ZNF804A: variants seen among roughly 807,000 people sequenced by gnomAD.
ZNF804A encodes the protein zinc finger protein 804A.
Under a neutral mutation model 16.5 loss-of-function variants are expected in ZNF804A, and 2 were observed. The observed-to-expected ratio is 0.12, with a 90% CI of 0.05 to 0.38. ZNF804A has a LOEUF of 0.38. Ranked by LOEUF, ZNF804A falls within the 10% of genes least tolerant of loss-of-function variation. The probability of loss-of-function intolerance (pLI) is 0.99; values close to 1 mark genes in which losing one functional copy is unlikely to be tolerated. For missense variants in ZNF804A, 1,473 were observed against 1,390.7 expected, an observed-to-expected ratio of 1.06 and a Z score of -0.94; for synonymous variants, 534 against 489.6, an observed-to-expected ratio of 1.09 and a Z score of -1.20.
chr2:184,748,523 G>A (rs942820962), intron 1 of ZNF804A, among the ~76,000 whole-genome samples: 1 of 151,048 alleles, frequency 6.6e-6, no homozygotes, highest in Non-Finnish European at 1.5e-5. Context: ...GATTCTAGAT[G>A]TTGGACTTTT....
intron 1 of ZNF804A, among the ~76,000 whole-genome samples, chr2:184,774,675 G>T (rs1694261339): frequency 6.6e-6 from 1 of 151,670 alleles, no homozygotes; most frequent in Non-Finnish European, 1.5e-5. Context: ...AGAAAAATTA[G>T]TTCTATTTTT....
chr2:184,912,905 T>C (rs1685385186), intron 2 of ZNF804A, among the ~76,000 whole-genome samples: 1 of 152,122 alleles, frequency 6.6e-6, no homozygotes, highest in Admixed American at 6.6e-5. Flanking sequence ...CTTGATTTTA[T>C]CTTTGATGCA....
intron 1 of ZNF804A, among the ~76,000 whole-genome samples, chr2:184,783,511 C>A (rs1694404609): frequency 6.6e-6 from 1 of 151,840 alleles, no homozygotes; most frequent in Non-Finnish European, 1.5e-5. Flanking sequence ...GAAGGTAGTT[C>A]TACAGAGGTA....
chr2:184,853,664 G>T (rs923504039), intron 1 of ZNF804A, among the ~76,000 whole-genome samples: 1 of 151,628 alleles, frequency 6.6e-6, no homozygotes, highest in Admixed American at 6.6e-5. Flanking sequence ...TACGGTTTTT[G>T]ACCTTCTTTC....
chr2:184,810,517 G>A (rs1694877801), intron 1 of ZNF804A, among the ~76,000 whole-genome samples: 1 of 125,712 alleles, frequency 8.0e-6, no homozygotes, highest in Non-Finnish European at 1.6e-5. Flanking sequence ...TTGAGACGGA[G>A]TCTCACTCTG....
chr2:184,675,734 A>T (rs573394144), intron 1 of ZNF804A, among the ~76,000 whole-genome samples: 1 of 151,894 alleles, frequency 6.6e-6, no homozygotes, highest in Admixed American at 6.6e-5. Context: ...ATAGCTAGTA[A>T]GTGAAAAACA....
At chr2:184,727,853 T>C (rs915846066) in intron 1 of ZNF804A, among the ~76,000 whole-genome samples, 1 of 151,734 alleles carries the variant, frequency 6.6e-6, no homozygotes, top group African/African-American at 2.4e-5. Flanking sequence ...AGATAGCTTG[T>C]TCTCAGAATT....
At chr2:184,802,289 G>A (rs1175013169) in intron 1 of ZNF804A, among the ~76,000 whole-genome samples, 1 of 152,178 alleles carries the variant, frequency 6.6e-6, no homozygotes, top group Non-Finnish European at 1.5e-5. Context: ...GTCTACCCAA[G>A]TAAAGTTAGG....
chr2:184,765,613 C>A (rs546364209), intron 1 of ZNF804A, among the ~76,000 whole-genome samples: 4 of 146,886 alleles, frequency 2.7e-5, no homozygotes, highest in East Asian at 2.0e-4. Flanking sequence ...GCACCCCCCC[C>A]CCTTAGAGTC....
At chr2:184,753,348 T>C (rs1693904384) in intron 1 of ZNF804A, among the ~76,000 whole-genome samples, 1 of 151,650 alleles carries the variant, frequency 6.6e-6, no homozygotes, top group African/African-American at 2.4e-5. Flanking sequence ...AACTTCAAGA[T>C]AGTCATACAT....
At chr2:184,606,095 A>G (rs1027278762) in intron 1 of ZNF804A, among the ~76,000 whole-genome samples, 1 of 152,240 alleles carries the variant, frequency 6.6e-6, no homozygotes, top group African/African-American at 2.4e-5. Flanking sequence ...TTTTTCTTAA[A>G]TAGTATTAGG....
Position 184,679,502 on chromosome 2 carries a change from G to C in ZNF804A, c.111+80432G>C, listed in dbSNP as rs568730331. On this transcript the variant is annotated intron_variant, in intron 1 of 3. Coordinates refer to ENST00000302277, the MANE Select transcript of ZNF804A (RefSeq NM_194250.2). Reference sequence around the variant, plus strand: ...CAGCTACTACTGCCCAGCCACTACTGTGGACCTGGACATCTCTGCACTCCC... The same window carrying C: ...CAGCTACTACTGCCCAGCCACTACTCTGGACCTGGACATCTCTGCACTCCC... Among the ~76,000 whole-genome samples, 152 of 152,276 alleles carry C rather than the reference G, an allele frequency of 1.0e-3. 1 individual carries two copies. Among genetic ancestry groups the C allele is most frequent in the Middle Eastern group, 6.8e-3 (2 of 294 alleles).
At chr2:184,786,278 G>T (rs748890443) in intron 1 of ZNF804A, among the ~76,000 whole-genome samples, 2 of 150,118 alleles carry the variant, frequency 1.3e-5, no homozygotes, top group Non-Finnish European at 3.0e-5. Flanking sequence ...AAGTTCTCTT[G>T]TTCAGGTTCT....
intron 1 of ZNF804A, among the ~76,000 whole-genome samples, chr2:184,763,787 C>T (rs55701066): frequency 0.13 from 20,213 of 151,150 alleles, 1,822 homozygotes; most frequent in South Asian, 0.19. Flanking sequence ...GGACTACAGG[C>T]ACCTGCCACC....
chr2:184,732,628 A>G lies in ZNF804A; in HGVS notation c.111+133558A>G, dbSNP rs115487762. On this transcript the variant is annotated intron_variant, in intron 1 of 3. Coordinates refer to ENST00000302277, the MANE Select transcript of ZNF804A (RefSeq NM_194250.2). ...GTAAATCAACTTGGGAAGTAGTGAC[A>G]TCTCAAATATATTGAGATTTCCCAT... Among the ~76,000 whole-genome samples the G allele has an allele frequency of 3.2e-3, 483 of 152,310 alleles. 1 individual carries two copies. Among genetic ancestry groups the G allele is most frequent in the African/African-American group, 0.011 (461 of 41,584 alleles).
At chr2:184,750,843 C>T (rs530791135) in intron 1 of ZNF804A, among the ~76,000 whole-genome samples, 10 of 151,340 alleles carry the variant, frequency 6.6e-5, no homozygotes, top group Non-Finnish European at 1.5e-4. Flanking sequence ...TCTCCTGCTC[C>T]CCAAGACCCT....
intron 1 of ZNF804A, among the ~76,000 whole-genome samples, chr2:184,832,219 G>T (rs1377301097): frequency 1.3e-5 from 2 of 151,862 alleles, no homozygotes; most frequent in African/African-American, 2.4e-5. Flanking sequence ...GCCAGTGGGG[G>T]GTCCTAGATA....
At chr2:184,633,774 A>C (rs1691652681) in intron 1 of ZNF804A, among the ~76,000 whole-genome samples, 1 of 152,200 alleles carries the variant, frequency 6.6e-6, no homozygotes, top group Non-Finnish European at 1.5e-5. Context: ...AATGTAAAAA[A>C]AGAGAATTAT....
At chr2:184,774,628 C>T (rs1170451523) in intron 1 of ZNF804A, among the ~76,000 whole-genome samples, 1 of 151,736 alleles carries the variant, frequency 6.6e-6, no homozygotes, top group East Asian at 1.9e-4. Flanking sequence ...TCATATCTTT[C>T]TCAAGGTCCA....
Sources: allele counts gnomAD v4.1 joint callset (sites outside exome capture counted in the v4.1 genomes callset), GRCh38; gene constraint gnomAD v4.1.1; transcripts MANE v1.5; gene names NCBI Gene and HGNC (gene_info 2026-07-23, HGNC 2026-07-21).